SPIDR: variants seen among roughly 807,000 people sequenced by gnomAD.
SPIDR encodes the protein DNA repair-scaffolding protein.
Under a neutral mutation model 104.6 loss-of-function variants are expected in SPIDR, and 93 were observed. The observed-to-expected ratio is 0.89, with a 90% CI of 0.75 to 1.06. The LOEUF is 1.06. Ranked by LOEUF, SPIDR falls within the 50% of genes least tolerant of loss-of-function variation. The pLI is 0.00. For missense variants in SPIDR, 1,154 were observed against 1,111.2 expected (o/e 1.04, Z -0.55); for synonymous variants, 431 against 416.9 (o/e 1.03, Z -0.41).
chr8:47,300,964 C>T (rs912702699), intron 5 of SPIDR, among the ~76,000 whole-genome samples: 29 of 152,180 alleles, frequency 1.9e-4, no homozygotes, highest in South Asian at 1.5e-3. Context: ...CTATTAGGTC[C>T]GCTTGGTCCA....
At chr8:47,504,641 A>T (rs564045538) in intron 8 of SPIDR, among the ~76,000 whole-genome samples, 72 of 152,118 alleles carry the variant, frequency 4.7e-4, no homozygotes, top group African/African-American at 1.7e-3. Flanking sequence ...AACTCGTCAA[A>T]GTCATTCTCC....
intron 8 of SPIDR, among the ~76,000 whole-genome samples, chr8:47,507,539 G>T (rs201439976): frequency 3.9e-5 from 6 of 152,230 alleles, no homozygotes; most frequent in African/African-American, 4.8e-5. Context: ...GAGCCCTGGT[G>T]GGGGGCTGAG....
In SPIDR at chr8:47,284,025, C is replaced by T. The variant is rs2038325681; in HGVS notation, c.190-3C>T. The T allele has an allele frequency of 6.2e-7, 1 of 1,602,354 alleles. No individual in the cohort carries two copies. The highest frequency in any genetic ancestry group is 8.5e-7 in the Non-Finnish European group (1 of 1,174,760). On this transcript the variant is annotated splice_region_variant and splice_polypyrimidine_tract_variant and intron_variant, in intron 2 of 19. Transcript: ENST00000297423. ...AATTCCATGATTATTATTTTGCCTA[C>T]AGTCATTAACAGCTGAAGAGAAGAC... is the stretch of plus-strand genomic sequence containing the variant.
intron 5 of SPIDR, among the ~76,000 whole-genome samples, chr8:47,349,458 T>G (rs914574106): frequency 2.0e-5 from 3 of 152,200 alleles, no homozygotes; most frequent in Non-Finnish European, 2.9e-5. Flanking sequence ...GTGTCTGTTC[T>G]CAGATCTCAA....
intron 7 of SPIDR, among the ~76,000 whole-genome samples, chr8:47,421,267 C>T (rs1257277153): frequency 4.6e-5 from 7 of 152,222 alleles, no homozygotes; most frequent in African/African-American, 1.7e-4. Context: ...TAGATTTGGT[C>T]TTTTCACATA....
At chr8:47,447,924 A>G (rs1376629072) in intron 8 of SPIDR, among the ~76,000 whole-genome samples, 3 of 152,202 alleles carry the variant, frequency 2.0e-5, no homozygotes, top group African/African-American at 4.8e-5. Context: ...TTTAGATACA[A>G]TGCTGTTGCA....
intron 10 of SPIDR, among the ~76,000 whole-genome samples, chr8:47,659,988 G>A (rs1475501836): frequency 1.3e-5 from 2 of 152,210 alleles, no homozygotes; most frequent in South Asian, 4.1e-4. Context: ...GCGTGCGCAG[G>A]CACACACGTT....
chr8:47,476,430 A>T (rs1399847712), intron 8 of SPIDR, among the ~76,000 whole-genome samples: 1 of 152,200 alleles, frequency 6.6e-6, no homozygotes, highest in East Asian at 1.9e-4. Context: ...AGCACCCAGC[A>T]TGCGGCCAAT....
rs1329848709 is a variant in SPIDR, at chr8:47,370,742, G to T, written c.526-25634G>T. ...TGTGATTACAGGCATGAGCCACCGT[G>T]CCTGGCCAACATTTATTTATTTTAT... On this transcript the variant is annotated intron_variant, in intron 5 of 19. Transcript: ENST00000297423. 3.3e-5 allele frequency among the ~76,000 whole-genome samples: 5 copies of T among 151,748 alleles called. No homozygotes were observed. The East Asian group carries it at 9.7e-4, about 29-fold the overall frequency.
rs530777619 is a variant in SPIDR at position 47,520,601 on chromosome 8, T to C, written c.1098-75210T>C. The stretch of plus-strand genomic sequence containing the variant: ...AAGTGGCATGAAAATTCTTAACTTA[T>C]TCCTTTCAAAAAAGAAGCTAACTGT... On this transcript the variant is annotated intron_variant, in intron 8 of 19. Transcript: ENST00000297423. Among the ~76,000 whole-genome samples the C allele has an allele frequency of 4.9e-4, 74 of 152,334 alleles. 1 individual carries two copies. Among genetic ancestry groups the C allele is most frequent in the Middle Eastern group, 3.4e-3 (1 of 294 alleles).
chr8:47,725,105 A>AAGAG (rs1490457070), intron 16 of SPIDR, among the ~76,000 whole-genome samples: 1 of 152,194 alleles, frequency 6.6e-6, no homozygotes, highest in Non-Finnish European at 1.5e-5. Context: ...GATAGGGAGG[A>AAGAG]AGAGGGTATA....
intron 7 of SPIDR, among the ~76,000 whole-genome samples, chr8:47,420,348 T>C (rs1020790932): frequency 6.6e-6 from 1 of 152,202 alleles, no homozygotes; most frequent in Non-Finnish European, 1.5e-5. Context: ...CTTGTTGAAT[T>C]GATCCCTTTA....
intron 5 of SPIDR, among the ~76,000 whole-genome samples, chr8:47,330,009 A>G (rs1011333807): frequency 2.6e-5 from 4 of 152,224 alleles, no homozygotes; most frequent in Non-Finnish European, 5.9e-5. Flanking sequence ...TAATTAGATA[A>G]TTACTTTTAC....
At chr8:47,468,380 G>A (rs2075214933) in intron 8 of SPIDR, among the ~76,000 whole-genome samples, 1 of 152,068 alleles carries the variant, frequency 6.6e-6, no homozygotes, top group African/African-American at 2.4e-5. Flanking sequence ...ATCCAAAAAT[G>A]AGCCCAAATA....
intron 8 of SPIDR, among the ~76,000 whole-genome samples, chr8:47,465,071 A>G (rs782372868): frequency 5.3e-5 from 8 of 152,140 alleles, no homozygotes; most frequent in Non-Finnish European, 1.2e-4. Context: ...ACCACTCAAC[A>G]TTCTTAAAGA....
At chr8:47,461,413 G>A (rs943955499) in intron 8 of SPIDR, among the ~76,000 whole-genome samples, 21 of 152,140 alleles carry the variant, frequency 1.4e-4, no homozygotes, top group African/African-American at 4.1e-4. Flanking sequence ...CCGGATTCAA[G>A]CGATTCTCCT....
chr8:47,492,165 G>GC (rs782678288), intron 8 of SPIDR, among the ~76,000 whole-genome samples: 4 of 152,056 alleles, frequency 2.6e-5, no homozygotes, highest in Non-Finnish European at 4.4e-5. Flanking sequence ...GCCAAGAATG[G>GC]CCCAGGCTGT....
intron 8 of SPIDR, among the ~76,000 whole-genome samples, chr8:47,572,540 T>C (rs2058643615): frequency 6.6e-6 from 1 of 151,976 alleles, no homozygotes; most frequent in Admixed American, 6.6e-5. Flanking sequence ...CGGACACCTG[T>C]AGTCCCAGCT....
At chr8:47,658,029 C>CAAAAAAA (rs34648437) in intron 10 of SPIDR, among the ~76,000 whole-genome samples, 30 of 75,984 alleles carry the variant, frequency 3.9e-4, no homozygotes, top group East Asian at 1.2e-3. Flanking sequence ...GACCCTGTCT[C>CAAAAAAA]AAAAAAAAAA....
Sources: gnomAD v4.1 joint callset for allele counts (sites outside exome capture counted in the v4.1 genomes callset) on GRCh38, gnomAD v4.1.1 for gene constraint, MANE v1.5 for transcripts, NCBI Gene and HGNC (gene_info 2026-07-23, HGNC 2026-07-21) for gene names.